The following SBF2 variants were observed in gnomAD, a reference collection of about 807,000 sequenced individuals.
The protein encoded by SBF2 is SET binding factor 2.
Under a neutral mutation model 225.2 loss-of-function variants are expected in SBF2, and 112 were observed. The observed-to-expected ratio is 0.50, with a 90% CI of 0.43 to 0.58. The LOEUF is 0.58. Among genes scored for constraint, SBF2 ranks in the 20% least tolerant of loss-of-function variants. The probability of loss-of-function intolerance (pLI) is 0.00; values close to 1 mark genes in which losing one functional copy is unlikely to be tolerated. For missense variants in SBF2, 1,996 were observed against 2,206.2 expected (o/e 0.90, Z 1.91); for synonymous variants, 763 against 773.3 (o/e 0.99, Z 0.22).
At chr11:10,072,473 TA>T (rs1408109440) in intron 2 of SBF2, among the ~76,000 whole-genome samples, 11 of 152,126 alleles carry the variant, frequency 7.2e-5, no homozygotes, top group African/African-American at 2.6e-4. Flanking sequence ...GATATACTTC[TA>T]TTTTTTTTTT....
At chr11:9,926,344 T>G (rs1185076113) in intron 16 of SBF2, among the ~76,000 whole-genome samples, 1 of 152,146 alleles carries the variant, frequency 6.6e-6, no homozygotes, top group Non-Finnish European at 1.5e-5. Flanking sequence ...TTTTTTTCCT[T>G]TTAACAAACT....
intron 16 of SBF2, among the ~76,000 whole-genome samples, chr11:9,952,696 C>G (rs913101639): frequency 6.6e-6 from 1 of 152,090 alleles, no homozygotes; most frequent in Non-Finnish European, 1.5e-5. Flanking sequence ...CATATGCAAT[C>G]TGCTTACTTT....
intron 2 of SBF2, among the ~76,000 whole-genome samples, chr11:10,109,149 AT>A (rs1251513028): frequency 6.6e-6 from 1 of 151,872 alleles, no homozygotes; most frequent in East Asian, 1.9e-4. Context: ...TGCAAAAGGC[AT>A]TTTTTTCTAT....
At chr11:10,277,132 C>CAAA (rs11310738) in intron 1 of SBF2, among the ~76,000 whole-genome samples, 14 of 73,482 alleles carry the variant, frequency 1.9e-4, no homozygotes, top group East Asian at 4.7e-4. Context: ...GACCCCATCT[C>CAAA]AAAAAAAAAA....
chr11:9,994,137 T>C (rs930481327), intron 9 of SBF2, 139 bp from the exon 10 acceptor site: 4 of 731,376 alleles, frequency 5.5e-6, no homozygotes, highest in African/African-American at 3.5e-5. Flanking sequence ...GGGGTAGTTC[T>C]ATATGTACTA....
In SBF2 at chr11:9,948,853, A is replaced by G. The variant is rs1231648968; in HGVS notation, c.1860+13104T>C. Reference sequence around the variant, plus strand: ...TTTCCATATTTGTACTCACTTCTATATCTGTGAAAAACTTGGCTACCATTA... The same window carrying G: ...TTTCCATATTTGTACTCACTTCTATGTCTGTGAAAAACTTGGCTACCATTA... On this transcript the variant is annotated intron_variant, in intron 16 of 39. Transcript: ENST00000256190. 3.9e-5 allele frequency among the ~76,000 whole-genome samples: 6 copies of G among 152,200 alleles called. No homozygotes were observed. The East Asian group carries it at 1.2e-3, about 29-fold the overall frequency.
At chr11:10,068,472 T>G (rs528596150) in intron 2 of SBF2, among the ~76,000 whole-genome samples, 182 of 152,332 alleles carry the variant, frequency 1.2e-3, no homozygotes, top group African/African-American at 4.2e-3. Flanking sequence ...ACTCTAGCAC[T>G]GTGTTTAAGA....
Position 9,835,719 on chromosome 11 carries a change from CAG to C in SBF2, c.3456-3301_3456-3300del, listed in dbSNP as rs371011128. The stretch of plus-strand genomic sequence containing the variant: ...TTGAATTCTAGATAAAGGGAATCAA[CAG>C]AGTTTATTCTTTCATGTTTGGCTTC... On this transcript the variant is annotated intron_variant, in intron 26 of 39. Coordinates refer to ENST00000256190, the MANE Select transcript of SBF2 (RefSeq NM_030962.4). 2.7e-3 allele frequency among the ~76,000 whole-genome samples: 395 copies of C among 148,782 alleles called. 4 individuals carry two copies. The highest frequency in any genetic ancestry group is 9.3e-3 in the African/African-American group (377 of 40,528).
intron 16 of SBF2, chr11:9,959,582 T>C (rs545961799): frequency 2.6e-6 from 2 of 768,864 alleles, no homozygotes; most frequent in Non-Finnish European, 2.4e-6. Flanking sequence ...ATGAGATACA[T>C]GTCACTGTTG....
chr11:9,845,077 C>A (rs2133968068), intron 24 of SBF2, among the ~76,000 whole-genome samples: 1 of 151,880 alleles, frequency 6.6e-6, no homozygotes, highest in South Asian at 2.1e-4. Flanking sequence ...ACAAATGGAC[C>A]AAAGTAGAAA....
intron 32 of SBF2, among the ~76,000 whole-genome samples, chr11:9,796,393 C>T (rs575044736): frequency 2.2e-4 from 33 of 152,234 alleles, no homozygotes; most frequent in Non-Finnish European, 4.1e-4. Flanking sequence ...TATATATTAA[C>T]ATAAGTTATG....
chr11:10,199,840 A>C (rs547764774), intron 1 of SBF2, among the ~76,000 whole-genome samples: 43 of 152,328 alleles, frequency 2.8e-4, no homozygotes, highest in Non-Finnish European at 4.7e-4. Context: ...TGTTGATGGC[A>C]ATGTCAAATG....
chr11:10,022,027 T>C (rs1948877281), intron 6 of SBF2, among the ~76,000 whole-genome samples: 2 of 152,190 alleles, frequency 1.3e-5, no homozygotes, highest in African/African-American at 4.8e-5. Context: ...AATAATAAAA[T>C]TTGATCTTCA....
At chr11:9,939,769 C>T (rs1865139064) in intron 16 of SBF2, among the ~76,000 whole-genome samples, 1 of 151,944 alleles carries the variant, frequency 6.6e-6, no homozygotes, top group Non-Finnish European at 1.5e-5. Context: ...TAAATAAAGA[C>T]GTATATACAA....
chr11:9,978,773 A>G (rs974274346), intron 13 of SBF2, among the ~76,000 whole-genome samples: 2 of 152,104 alleles, frequency 1.3e-5, no homozygotes, highest in Non-Finnish European at 2.9e-5. Flanking sequence ...AGGCGAGTGG[A>G]TCCCTTGAGC....
chr11:10,276,605 T>A (rs1962976880), intron 1 of SBF2, among the ~76,000 whole-genome samples: 1 of 152,236 alleles, frequency 6.6e-6, no homozygotes, highest in Non-Finnish European at 1.5e-5. Flanking sequence ...AAAACTGGGT[T>A]CAAGTTTCAT....
chr11:10,149,402 C>A (rs1246940575), intron 2 of SBF2: 1 of 152,132 alleles, frequency 6.6e-6, no homozygotes, highest in Non-Finnish European at 1.5e-5. Context: ...TTATTATTTT[C>A]TTTCACTCCT....
chr11:10,116,145 G>A (rs1565246931), intron 2 of SBF2, among the ~76,000 whole-genome samples: 1 of 152,110 alleles, frequency 6.6e-6, no homozygotes, highest in Non-Finnish European at 1.5e-5. Flanking sequence ...CTCCAGCCTG[G>A]GCGACAGAGC....
At chr11:10,129,795 C>T (rs574543563) in intron 2 of SBF2, among the ~76,000 whole-genome samples, 2 of 152,058 alleles carry the variant, frequency 1.3e-5, no homozygotes, top group East Asian at 3.9e-4. Flanking sequence ...CTTGAGGCCA[C>T]GAGTTCAAGA....
Sources: allele counts gnomAD v4.1 joint callset (sites outside exome capture counted in the v4.1 genomes callset), GRCh38; gene constraint gnomAD v4.1.1; transcripts MANE v1.5; gene names NCBI Gene and HGNC (gene_info 2026-07-23, HGNC 2026-07-21).